The following TTN variants were observed in gnomAD, a reference collection of about 807,000 sequenced individuals.
TTN encodes titin.
TTN carries 1,525 observed loss-of-function variants against 3,223.0 expected under a neutral mutation model. The observed-to-expected ratio is 0.47, with a 90% CI of 0.45 to 0.49. The LOEUF is 0.49. TTN is among the 20% of genes least tolerant of loss of function. The pLI, the probability that TTN is intolerant of heterozygous loss-of-function variation, is 0.00. For missense variants in TTN, 40,786 were observed against 43,424.0 expected (o/e 0.94, Z 5.40); for synonymous variants, 14,094 against 15,161.0 (o/e 0.93, Z 5.17).
At position 178,757,758 on chromosome 2, in the gene TTN, C is replaced by A; in HGVS notation, c.10462G>T (p.Val3488Phe). The change falls in exon 45 of 363, where the codon GTT becomes TTT. Residue 3488 changes from valine (V) to phenylalanine (F), a missense_variant. Physicochemically the swap from Val to Phe is conservative, Grantham distance 50. Coordinates refer to ENST00000589042, the MANE Select transcript of TTN (RefSeq NM_001267550.2). ...ATTTCTGGCTTGGGAATGCCAGAAA[C>A]CCTCGCATGAAATCTGACTGTCTCC... is the stretch of plus-strand genomic sequence containing the variant. ...NGETVRFHAR[V>F]SGIPKPEIQW... is the part of the protein sequence containing the mutation. The A allele has an allele frequency of 6.2e-7, 1 of 1,613,762 alleles. No individual in the cohort carries two copies. The highest frequency in any genetic ancestry group is 8.5e-7 in the Non-Finnish European group (1 of 1,179,764).
rs1201012470 is a variant in TTN at position 178,684,738 on chromosome 2, G to T, written c.32566C>A (p.Pro10856Thr). Residue 10856 changes from proline to threonine, a missense_variant, in exon 131 of 363, where the codon CCA (proline) becomes ACA (threonine). By Grantham distance (38) the Pro-to-Thr change is conservative. Transcript: ENST00000589042. ...TTTTTTTCTGGAACTGGTTTCTTTG[G>T]CTCTTCTGGCACTTAAAAGATACCA... is the stretch of plus-strand genomic sequence containing the variant. The part of the protein sequence containing the change: ...KVPPPKVPEE[P>T]KKPVPEKKVP... 1 of 1,613,218 alleles carries T rather than the reference G, an allele frequency of 6.2e-7. No homozygotes were observed. The highest frequency in any genetic ancestry group is 1.7e-5 in the Admixed American group (1 of 59,938).
intron 99 of TTN, 47 bp from the exon 100 acceptor site, chr2:178,707,860 T>C: frequency 6.6e-7 from 1 of 1,522,158 alleles, no homozygotes. Context: ...GGCAAAAAAG[T>C]ATTAAATTCC....
At chr2:178,616,344 A>T in intron 257 of TTN, 135 bp downstream of exon 257, 2 of 1,215,358 alleles carry the variant, frequency 1.6e-6, no homozygotes, top group Non-Finnish European at 2.3e-6. Flanking sequence ...ATGCATTCTT[A>T]AAAAGTTTTT....
Position 178,600,875 on chromosome 2 carries a change from C to T in TTN, c.56029G>A (p.Val18677Met), listed in dbSNP as rs2053234064. 1 of 1,612,822 alleles carries T rather than the reference C, an allele frequency of 6.2e-7. No homozygotes were observed. The highest frequency in any genetic ancestry group is 1.1e-5 in the South Asian group (1 of 91,026). Reference sequence around the variant, plus strand: ...TTACATGTCTGGTCTTTGACAGTCACAGGGCCAACAGTGGCTGAAGGCTTG... The same window carrying T: ...TTACATGTCTGGTCTTTGACAGTCATAGGGCCAACAGTGGCTGAAGGCTTG... ...VSKPSATVGP[V>M]TVKDQTCPPS... Residue 18677 changes from valine (V) to methionine (M), a missense_variant, in exon 288 of 363, where the codon GTG becomes ATG. Physicochemically the swap from Val to Met is conservative, Grantham distance 21. Coordinates refer to ENST00000589042, the MANE Select transcript of TTN (RefSeq NM_001267550.2).
In TTN at chr2:178,789,301, G is replaced by C. The variant is rs1433523025; in HGVS notation, c.2076+59C>G. 4 of 1,596,550 alleles carry C rather than the reference G, an allele frequency of 2.5e-6. No homozygotes were observed. In the African/African-American group the frequency reaches 5.4e-5, roughly 21 times the overall value. ...TGTATTACAATAAGGAATTTCACAT[G>C]ATATGTGGTATTAATGTATTATAAT... On this transcript the variant is annotated intron_variant, in intron 13 of 362. Coordinates refer to ENST00000589042, the MANE Select transcript of TTN (RefSeq NM_001267550.2).
In TTN at chr2:178,719,394, C is replaced by G. The variant is rs750389762; in HGVS notation, c.23996G>C (p.Gly7999Ala). The G allele has an allele frequency of 6.2e-7, 1 of 1,613,582 alleles. No individual in the cohort carries two copies. Among genetic ancestry groups the G allele is most frequent in the Middle Eastern group, 1.7e-4 (1 of 6,054 alleles). ...RKLKDVNAIL[G>A]ASVVLECRVS... is the part of the protein sequence containing the mutation. ...TCGGCACTCCAAAACAACTGAGGCCCCCAGGATGGCATTCACGTCTTTCAG... is the reference window on the plus strand; with the variant it reads ...TCGGCACTCCAAAACAACTGAGGCCGCCAGGATGGCATTCACGTCTTTCAG... Residue 7999 changes from glycine (G) to alanine (A), a missense_variant, in exon 83 of 363, where the codon GGG (glycine) becomes GCG (alanine). By Grantham distance (60) the Gly-to-Ala change is moderately conservative (BLOSUM62 0). Coordinates refer to ENST00000589042, the MANE Select transcript of TTN (RefSeq NM_001267550.2).
Position 178,532,461 on chromosome 2 carries a change from C to T in TTN, c.104154G>A (p.Lys34718=). ...LRYSSPQAHV[K]VEETRKDFRY... ...TGAAGTCTTTTCTTGTTTCCTCCAC[C>T]TTGACATGAGCTTGTGGTGAAGAGT... The change falls in exon 358 of 363, where the codon AAG becomes AAA. Residue 34718 remains lysine (K), a synonymous_variant. Coordinates refer to ENST00000589042, the MANE Select transcript of TTN (RefSeq NM_001267550.2). The T allele has an allele frequency of 6.2e-7, 1 of 1,613,994 alleles. No homozygotes were observed. The highest frequency in any genetic ancestry group is 8.5e-7 in the Non-Finnish European group (1 of 1,179,876).
rs772147880 is a variant in TTN, at chr2:178,774,292, C to T, written c.6972G>A (p.Thr2324=). Reference sequence around the variant, plus strand: ...GGTCCTCCTTGGTTACATCCTTGACCGTGAGGTTCTGACGTCCACGACGAG... The same window carrying T: ...GGTCCTCCTTGGTTACATCCTTGACTGTGAGGTTCTGACGTCCACGACGAG... ...ITSRRGRQNL[T]VKDVTKEDQG... The change falls in exon 30 of 363, where the codon ACG becomes ACA. Residue 2324 remains threonine (T), a synonymous_variant. Coordinates refer to ENST00000589042, the MANE Select transcript of TTN (RefSeq NM_001267550.2). 20 of 1,613,936 alleles carry T rather than the reference C, an allele frequency of 1.2e-5. No individual in the cohort carries two copies. Among genetic ancestry groups the T allele is most frequent in the African/African-American group, 9.3e-5 (7 of 74,882 alleles).
chr2:178,800,652 C>T lies in TTN; in HGVS notation c.326G>A (p.Arg109Gln), dbSNP rs766434493. The stretch of plus-strand genomic sequence containing the variant: ...TTGTCTCACGGTCATGCTCTGCAGT[C>T]GTTGAACGAAGTTGGGTGGTGCTGT... ...AETAPPNFVQ[R>Q]LQSMTVRQGS... Residue 109 changes from arginine to glutamine, a missense_variant, in exon 4 of 363, where the codon CGA (arginine) becomes CAA (glutamine). By Grantham distance (43) the Arg-to-Gln change is conservative. Transcript: ENST00000589042. 8.1e-6 allele frequency: 13 copies of T among 1,609,724 alleles called. No homozygotes were observed. The highest frequency in any genetic ancestry group is 6.7e-5 in the Admixed American group (4 of 59,710).
rs368825855 is a variant in TTN at position 178,663,657 on chromosome 2, G to T, written c.36502C>A (p.Pro12168Thr). The T allele has an allele frequency of 6.2e-7, 1 of 1,613,532 alleles. No individual in the cohort carries two copies. Among genetic ancestry groups the T allele is most frequent in the African/African-American group, 1.3e-5 (1 of 74,884 alleles). The change falls in exon 171 of 363, where the codon CCT (proline) becomes ACT (threonine). Residue 12168 changes from proline (P) to threonine (T), a missense_variant. By Grantham distance (38) the Pro-to-Thr change is conservative. Transcript: ENST00000589042. ...ACAGGTGGGACTTCAGGCTCTTTAGGAGGAGCCACTGGCGCTTTCTTTTCA... is the reference window on the plus strand; with the variant it reads ...ACAGGTGGGACTTCAGGCTCTTTAGTAGGAGCCACTGGCGCTTTCTTTTCA... ...VPEKKAPVAPPKEPEVPPVKV... is the reference protein window; with the variant it reads ...VPEKKAPVAPTKEPEVPPVKV...
At chr2:178,723,006 G>A in intron 75 of TTN, 40 bp downstream of exon 75, 1 of 1,604,210 alleles carries the variant, frequency 6.2e-7, no homozygotes, top group South Asian at 1.1e-5. Context: ...CTACATGTTA[G>A]AAGAATGCAA....
chr2:178,775,133 G>A lies in TTN; in HGVS notation c.6578C>T (p.Thr2193Ile). 1.2e-6 allele frequency: 2 copies of A among 1,613,948 alleles called. No homozygotes were observed. The highest frequency in any genetic ancestry group is 1.7e-6 in the Non-Finnish European group (2 of 1,179,968). Residue 2193 changes from threonine (T) to isoleucine (I), a missense_variant, in exon 29 of 363, where the codon ACC becomes ATC. Physicochemically the swap from Thr to Ile is moderately conservative, Grantham distance 89 (BLOSUM62 -1). Transcript: ENST00000589042. ...TGGTTCTGAAGTTTCACATTCAAAG[G>A]TTGCCATAGTGTCTTTTTCCTTAGC... ...VVAKEKDTMA[T>I]FECETSEPFV...
chr2:178,672,721 GT>G lies in TTN; in HGVS notation c.34787-19del, dbSNP rs749050618. The G allele has an allele frequency of 3.5e-5, 55 of 1,575,026 alleles. No individual in the cohort carries two copies. Among genetic ancestry groups the G allele is most frequent in the Middle Eastern group, 1.7e-4 (1 of 5,988 alleles). On this transcript the variant is annotated intron_variant, in intron 152 of 362. Coordinates refer to ENST00000589042, the MANE Select transcript of TTN (RefSeq NM_001267550.2). ...CTTTGACACTTTAAAGATATTAGGT[GT>G]TTTAGTTAGCTGAGAATGTTCAATA...
chr2:178,569,707 A>G lies in TTN; in HGVS notation c.76425T>C (p.His25475=). The G allele has an allele frequency of 1.9e-6, 3 of 1,613,098 alleles. No individual in the cohort carries two copies. Among genetic ancestry groups the G allele is most frequent in the Non-Finnish European group, 2.5e-6 (3 of 1,179,544 alleles). The change falls in exon 326 of 363, where the codon CAT becomes CAC. Residue 25475 remains histidine (H), a synonymous_variant. Coordinates refer to ENST00000589042, the MANE Select transcript of TTN (RefSeq NM_001267550.2). ...NIEVEKLLEK[H]EYNFRICAIN... is the part of the protein sequence containing the mutation. ...TAGCACAGATACGGAAGTTGTATTC[A>G]TGCTTTTCCAACAGCTTCTCTACTT...
intron 16 of TTN, 59 bp from the exon 17 acceptor site, chr2:178,783,844 C>G (rs934904555): frequency 2.2e-6 from 3 of 1,394,670 alleles, no homozygotes; most frequent in Non-Finnish European, 3.0e-6. Context: ...ATCTCATAAA[C>G]TCTTAGCTCA....
chr2:178,750,732 C>T lies in TTN; in HGVS notation c.11311+2392G>A, dbSNP rs750822692. Reference sequence around the variant, plus strand: ...TCACTAGCTATTTCTTCACTTTCTTCAACATTTACAAGTGTACCAAAAGAT... The same window carrying T: ...TCACTAGCTATTTCTTCACTTTCTTTAACATTTACAAGTGTACCAAAAGAT... On this transcript the variant is annotated intron_variant, in intron 47 of 362. Coordinates refer to ENST00000589042, the MANE Select transcript of TTN (RefSeq NM_001267550.2). The T allele has an allele frequency of 3.0e-5, 48 of 1,612,794 alleles. 4 individuals are homozygous for T. The South Asian group carries it at 5.1e-4, about 17-fold the overall frequency.
Position 178,768,010 on chromosome 2 carries a change from T to G in TTN, c.9305+4A>C, listed in dbSNP as rs746628782. 6 of 1,614,006 alleles carry G rather than the reference T, an allele frequency of 3.7e-6. No homozygotes were observed. In the African/African-American group the frequency reaches 8.0e-5, roughly 22 times the overall value. On this transcript the variant is annotated splice_donor_region_variant and intron_variant, in intron 39 of 362. Transcript: ENST00000589042. ...CTGGAATGTAGCAAGACAAAACAAC[T>G]GACCTGTCTGTGATCTGCAGTTCCT...
chr2:178,609,202 A>G lies in TTN; in HGVS notation c.52102+6T>C. On this transcript the variant is annotated splice_donor_region_variant and intron_variant, in intron 273 of 362. Coordinates refer to ENST00000589042, the MANE Select transcript of TTN (RefSeq NM_001267550.2). ...TCCATTGGAAAGTGTAGTTTTAATG[A>G]CTCACCTAACACACTGACAGTACAA... 2 of 1,493,326 alleles carry G rather than the reference A, an allele frequency of 1.3e-6. No homozygotes were observed. Among genetic ancestry groups the G allele is most frequent in the Non-Finnish European group, 1.8e-6 (2 of 1,127,208 alleles). 92.5% of individuals were successfully genotyped at this position (1,493,326 alleles called of 1,614,324 possible). A position where few individuals can be genotyped will look rare whatever the true frequency, so the allele number is the denominator to read the frequency against.
rs903625066 is a variant in TTN at position 178,581,179 on chromosome 2, T to G, written c.66769+320A>C. On this transcript the variant is annotated intron_variant, in intron 316 of 362. Coordinates refer to ENST00000589042, the MANE Select transcript of TTN (RefSeq NM_001267550.2). ...AAACAGAAACCCTAAGAATAGTAAA[T>G]AGCTCACTACTTAGTTAAAAGGCCT... 5.3e-5 allele frequency among the ~76,000 whole-genome samples: 8 copies of G among 152,114 alleles called. No individual in the cohort carries two copies. The South Asian group carries it at 1.7e-3, about 32-fold the overall frequency.
Sources: allele counts gnomAD v4.1 joint callset (sites outside exome capture counted in the v4.1 genomes callset), GRCh38; gene constraint gnomAD v4.1.1; transcripts MANE v1.5; gene names NCBI Gene and HGNC (gene_info 2026-07-23, HGNC 2026-07-21).